The following JAKMIP1 variants were observed in gnomAD, a reference collection of about 807,000 sequenced individuals.
JAKMIP1 encodes janus kinase and microtubule interacting protein 1, also known as janus kinase and microtubule-interacting protein 1.
In JAKMIP1, 33 loss-of-function variants were observed where a neutral mutation model predicts 113.0. The observed-to-expected ratio is 0.29, with a 90% CI of 0.22 to 0.39. The LOEUF is 0.39. JAKMIP1 is among the 10% of genes least tolerant of loss of function. JAKMIP1 has a pLI of 1.00. For missense variants in JAKMIP1, 813 were observed against 1,080.5 expected (o/e 0.75, Z 3.47); for synonymous variants, 480 against 459.9 (o/e 1.04, Z -0.56).
At chr4:6,163,245 A>T (rs1262974695) in intron 1 of JAKMIP1, among the ~76,000 whole-genome samples, 3 of 152,190 alleles carry the variant, frequency 2.0e-5, no homozygotes, top group Non-Finnish European at 4.4e-5. Context: ...CAACCCTGTG[A>T]TGAGCAAGTC....
rs773915891 is a variant in JAKMIP1 at position 6,178,100 on chromosome 4, G to A, written c.-148+22153C>T. Among the ~76,000 whole-genome samples, 2 of 152,116 alleles carry A rather than the reference G, an allele frequency of 1.3e-5. No homozygotes were observed. The highest frequency in any genetic ancestry group is 2.9e-5 in the Non-Finnish European group (2 of 68,008). The stretch of plus-strand genomic sequence containing the variant: ...CGCCCACTTCATGCTTCCTGTCCCC[G>A]ACCCTCCTCCCTGGAGGGGAGGGAT... On this transcript the variant is annotated intron_variant, in intron 1 of 20. Transcript: ENST00000409021. The surrounding 1 kb of genome is among the most constrained non-coding windows in gnomAD (Gnocchi z 5.5).
At position 6,155,930 on chromosome 4, in the gene JAKMIP1, G is replaced by A. The variant is rs969640964; in HGVS notation, c.-147-42933C>T. 6.6e-6 allele frequency among the ~76,000 whole-genome samples: 1 copy of A among 152,206 alleles called. No homozygotes were observed. The highest frequency in any genetic ancestry group is 1.9e-4 in the East Asian group (1 of 5,196). ...TACATTTTTCTGTGCGGTAATGTGT[G>A]AGAACCGCTGCTGGGGATGAATATC... On this transcript the variant is annotated intron_variant, in intron 1 of 20. Coordinates refer to ENST00000409021, the MANE Select transcript of JAKMIP1 (RefSeq NM_001099433.2). The surrounding 1 kb of genome is among the most constrained non-coding windows in gnomAD (Gnocchi z 6.1).
chr4:6,113,012 G>A lies in JAKMIP1; in HGVS notation c.-147-15C>T. The A allele has an allele frequency of 1.8e-6, 2 of 1,124,476 alleles. No homozygotes were observed. Among genetic ancestry groups the A allele is most frequent in the Non-Finnish European group, 1.2e-6 (1 of 820,226 alleles). 69.7% of individuals were successfully genotyped at this position (1,124,476 alleles called of 1,614,324 possible). ...CACTTGGGATCCTGAAGGAAGGAGGGAAACTGAGTTAGCAGAGACAGAAGG... is the reference window on the plus strand; with the variant it reads ...CACTTGGGATCCTGAAGGAAGGAGGAAAACTGAGTTAGCAGAGACAGAAGG... On this transcript the variant is annotated splice_polypyrimidine_tract_variant and intron_variant, in intron 1 of 20. Coordinates refer to ENST00000409021, the MANE Select transcript of JAKMIP1 (RefSeq NM_001099433.2).
chr4:6,081,833 G>C lies in JAKMIP1; in HGVS notation c.955-78C>G. On this transcript the variant is annotated intron_variant, in intron 5 of 20. Transcript: ENST00000409021. This position sits in a 1 kb window ranked among gnomAD's most constrained non-coding sequence, Gnocchi z 4.6. ...AGGTCACAGCACCGAGGTGAGCAGA[G>C]ACTCAACCCAGTTAGGACCCCTTCT... 1 of 1,560,256 alleles carries C rather than the reference G, an allele frequency of 6.4e-7. No homozygotes were observed.
At position 6,076,704 on chromosome 4, in the gene JAKMIP1, A is replaced by T. The variant is rs901523196; in HGVS notation, c.1302+2235T>A. ...TACTTGGAACCAGAAGGAATTTTGG[A>T]TGTTTTTTCAGATTTTGGAATATTT... On this transcript the variant is annotated intron_variant, in intron 8 of 20. Coordinates refer to ENST00000409021, the MANE Select transcript of JAKMIP1 (RefSeq NM_001099433.2). The surrounding 1 kb of genome is among the most constrained non-coding windows in gnomAD (Gnocchi z 4.8). Among the ~76,000 whole-genome samples the T allele has an allele frequency of 6.6e-6, 1 of 152,172 alleles. No individual in the cohort carries two copies. The highest frequency in any genetic ancestry group is 1.5e-5 in the Non-Finnish European group (1 of 68,022).
At position 6,180,555 on chromosome 4, in the gene JAKMIP1, A is replaced by G. The variant is rs1430829840; in HGVS notation, c.-148+19698T>C. On this transcript the variant is annotated intron_variant, in intron 1 of 20. Coordinates refer to ENST00000409021, the MANE Select transcript of JAKMIP1 (RefSeq NM_001099433.2). The surrounding 1 kb of genome is among the most constrained non-coding windows in gnomAD (Gnocchi z 4.5). Reference sequence around the variant, plus strand: ...CAATTCAACAAACATGCACCAAGTAATAAGTCACCATTTATATAGCTCTCA... The same window carrying G: ...CAATTCAACAAACATGCACCAAGTAGTAAGTCACCATTTATATAGCTCTCA... Among the ~76,000 whole-genome samples the G allele has an allele frequency of 6.6e-6, 1 of 152,214 alleles. No homozygotes were observed. Among genetic ancestry groups the G allele is most frequent in the Non-Finnish European group, 1.5e-5 (1 of 68,042 alleles).
intron 1 of JAKMIP1, among the ~76,000 whole-genome samples, chr4:6,133,255 C>T (rs1718768520): frequency 6.6e-6 from 1 of 152,216 alleles, no homozygotes; most frequent in Non-Finnish European, 1.5e-5. Context: ...CGCTCCTGCT[C>T]AGTGCCAAGG....
rs1720594635 is a variant in JAKMIP1, at chr4:6,081,825, T to C, written c.955-70A>G. 10 of 1,586,964 alleles carry C rather than the reference T, an allele frequency of 6.3e-6. No individual in the cohort carries two copies. Among genetic ancestry groups the C allele is most frequent in the Middle Eastern group, 1.7e-4 (1 of 5,896 alleles). On this transcript the variant is annotated intron_variant, in intron 5 of 20. Coordinates refer to ENST00000409021, the MANE Select transcript of JAKMIP1 (RefSeq NM_001099433.2). This position sits in a 1 kb window ranked among gnomAD's most constrained non-coding sequence, Gnocchi z 4.6. ...GACGGCCGAGGTCACAGCACCGAGG[T>C]GAGCAGAGACTCAACCCAGTTAGGA... is the stretch of plus-strand genomic sequence containing the variant.
chr4:6,038,286 C>A (rs896619915), intron 18 of JAKMIP1, among the ~76,000 whole-genome samples: 2 of 150,418 alleles, frequency 1.3e-5, no homozygotes, highest in African/African-American at 5.0e-5. Flanking sequence ...AGAGGCTAAC[C>A]GGTATCCCTC....
At position 6,090,228 on chromosome 4, in the gene JAKMIP1, A is replaced by T. The variant is rs540429067; in HGVS notation, c.625-4599T>A. On this transcript the variant is annotated intron_variant, in intron 3 of 20. Coordinates refer to ENST00000409021, the MANE Select transcript of JAKMIP1 (RefSeq NM_001099433.2). ...CAGAGTGAGAGTCCATTTCAAAAAA[A>T]AAAAGAAGAAAAAGAAGAGGACAAG... Among the ~76,000 whole-genome samples the T allele has an allele frequency of 2.6e-5, 4 of 152,076 alleles. 1 individual carries two copies. Among genetic ancestry groups the T allele is most frequent in the African/African-American group, 9.7e-5 (4 of 41,424 alleles).
intron 19 of JAKMIP1, among the ~76,000 whole-genome samples, chr4:6,035,661 G>A (rs10084769): frequency 0.024 from 3,613 of 152,330 alleles, 142 homozygotes; most frequent in African/African-American, 0.079. Flanking sequence ...GAGGGAGAAG[G>A]CACTTTGGTT....
At position 6,197,538 on chromosome 4, in the gene JAKMIP1, C is replaced by T. The variant is rs1727979588; in HGVS notation, c.-148+2715G>A. Among the ~76,000 whole-genome samples the T allele has an allele frequency of 1.3e-5, 2 of 152,194 alleles. No individual in the cohort carries two copies. Among genetic ancestry groups the T allele is most frequent in the African/African-American group, 2.4e-5 (1 of 41,448 alleles). On this transcript the variant is annotated intron_variant, in intron 1 of 20. Transcript: ENST00000409021. This position sits in a 1 kb window ranked among gnomAD's most constrained non-coding sequence, Gnocchi z 6.5. The stretch of plus-strand genomic sequence containing the variant: ...AGGCTCAGAGAGGTTAATCTTCTTA[C>T]CCAAGATCACACAATGACAAGGGAT...
At position 6,135,226 on chromosome 4, in the gene JAKMIP1, G is replaced by T. The variant is rs531602544; in HGVS notation, c.-147-22229C>A. Among the ~76,000 whole-genome samples the T allele has an allele frequency of 6.6e-6, 1 of 152,188 alleles. No individual in the cohort carries two copies. Among genetic ancestry groups the T allele is most frequent in the African/African-American group, 2.4e-5 (1 of 41,444 alleles). On this transcript the variant is annotated intron_variant, in intron 1 of 20. Transcript: ENST00000409021. The surrounding 1 kb of genome is among the most constrained non-coding windows in gnomAD (Gnocchi z 4.9). ...GTTTGGAGACAAGGTCTTTATGGAG[G>T]TAAGTTAGGTAAAATGGGGCTGTGG...
At chr4:6,035,352 A>G (rs1269548345) in intron 19 of JAKMIP1, among the ~76,000 whole-genome samples, 2 of 152,050 alleles carry the variant, frequency 1.3e-5, no homozygotes, top group South Asian at 2.1e-4. Flanking sequence ...TGCCCGACAC[A>G]TGGTGAGCGC....
At chr4:6,147,238 A>G (rs1409375606) in intron 1 of JAKMIP1, among the ~76,000 whole-genome samples, 1 of 152,164 alleles carries the variant, frequency 6.6e-6, no homozygotes, top group African/African-American at 2.4e-5. Flanking sequence ...CTGGGAACAG[A>G]GGTGTGAGCC....
chr4:6,148,614 G>C (rs954995879), intron 1 of JAKMIP1, among the ~76,000 whole-genome samples: 2 of 152,252 alleles, frequency 1.3e-5, no homozygotes, highest in African/African-American at 4.8e-5. Context: ...CGCTCCCCTT[G>C]TGGGAAACAG....
rs765725838 is a variant in JAKMIP1 at position 6,179,384 on chromosome 4, C to T, written c.-148+20869G>A. 6.6e-6 allele frequency among the ~76,000 whole-genome samples: 1 copy of T among 152,182 alleles called. No individual in the cohort carries two copies. Among genetic ancestry groups the T allele is most frequent in the Non-Finnish European group, 1.5e-5 (1 of 68,036 alleles). On this transcript the variant is annotated intron_variant, in intron 1 of 20. Transcript: ENST00000409021. This position sits in a 1 kb window ranked among gnomAD's most constrained non-coding sequence, Gnocchi z 4.5. ...GTGAGTACTCAGTAAATGCAACAGC[C>T]AAGAGGCAGACTGGATGGAACAGGA... is the stretch of plus-strand genomic sequence containing the variant.
chr4:6,121,313 T>C (rs1036852620), intron 1 of JAKMIP1, among the ~76,000 whole-genome samples: 5 of 152,120 alleles, frequency 3.3e-5, no homozygotes, highest in East Asian at 1.9e-4. Context: ...GGATTTTTCC[T>C]ATGACTCTAT....
Position 6,044,916 on chromosome 4 carries a change from A to G in JAKMIP1, c.2029-2689T>C, listed in dbSNP as rs1016634222. Among the ~76,000 whole-genome samples, 1 of 152,224 alleles carries G rather than the reference A, an allele frequency of 6.6e-6. No homozygotes were observed. Among genetic ancestry groups the G allele is most frequent in the South Asian group, 2.1e-4 (1 of 4,836 alleles). ...AAACAGCGTTCATGGTTCTGCTCCA[A>G]CCCCAGGAGAGGGGGTCTCAGGCTG... On this transcript the variant is annotated intron_variant, in intron 16 of 20. Coordinates refer to ENST00000409021, the MANE Select transcript of JAKMIP1 (RefSeq NM_001099433.2). This position sits in a 1 kb window ranked among gnomAD's most constrained non-coding sequence, Gnocchi z 4.4.
Sources: allele counts gnomAD v4.1 joint callset (sites outside exome capture counted in the v4.1 genomes callset), GRCh38; gene constraint gnomAD v4.1.1; non-coding constraint Gnocchi (gnomAD v3.1); transcripts MANE v1.5; gene names NCBI Gene and HGNC (gene_info 2026-07-23, HGNC 2026-07-21).